LYPD6: variants seen among roughly 807,000 people sequenced by gnomAD.
The protein encoded by LYPD6 is ly6/PLAUR domain-containing protein 6.
In LYPD6, 15 loss-of-function variants were observed where a neutral mutation model predicts 22.7. The observed-to-expected ratio is 0.66, with a 90% CI of 0.44 to 1.02. The LOEUF (loss-of-function observed/expected upper bound fraction) is 1.02, where lower values mean the gene tolerates loss of function less well. Ranked by LOEUF, LYPD6 falls within the 50% of genes least tolerant of loss-of-function variation. The probability of loss-of-function intolerance (pLI) is 0.00; values close to 1 mark genes in which losing one functional copy is unlikely to be tolerated. For synonymous variants in LYPD6, 72 were observed against 77.5 expected, an observed-to-expected ratio of 0.93 and a Z score of 0.37; for missense variants, 189 against 208.4, an observed-to-expected ratio of 0.91 and a Z score of 0.57.
the LYPD6 span, among the ~76,000 whole-genome samples, chr2:149,481,860 G>A: frequency 6.6e-6 from 1 of 152,116 alleles, no homozygotes; most frequent in Non-Finnish European, 1.5e-5. Flanking sequence ...CTTTTATAAT[G>A]AAAAACATAA....
chr2:149,407,821 GTTT>G (rs1488174496), intron 1 of LYPD6, among the ~76,000 whole-genome samples: 2 of 152,160 alleles, frequency 1.3e-5, no homozygotes, highest in Non-Finnish European at 2.9e-5. Context: ...GGTTTTTAGA[GTTT>G]CCAGTTTTTC....
At chr2:149,375,185 A>C (rs1681889545) in intron 1 of LYPD6, among the ~76,000 whole-genome samples, 1 of 152,180 alleles carries the variant, frequency 6.6e-6, no homozygotes, top group African/African-American at 2.4e-5. Flanking sequence ...AAGGTAGACA[A>C]ACCAGGATTT....
chr2:149,409,263 C>A (rs1682799311), intron 1 of LYPD6, among the ~76,000 whole-genome samples: 1 of 152,184 alleles, frequency 6.6e-6, no homozygotes, highest in Non-Finnish European at 1.5e-5. Context: ...ATCTCATCTT[C>A]AGGTCTTGCA....
At chr2:149,373,958 G>A (rs1171726563) in intron 1 of LYPD6, among the ~76,000 whole-genome samples, 2 of 152,056 alleles carry the variant, frequency 1.3e-5, no homozygotes, top group East Asian at 3.9e-4. Context: ...TTACTCAGTT[G>A]GATTTTTAAA....
At chr2:149,393,711 A>C (rs1682365652) in intron 1 of LYPD6, among the ~76,000 whole-genome samples, 1 of 152,188 alleles carries the variant, frequency 6.6e-6, no homozygotes, top group South Asian at 2.1e-4. Flanking sequence ...ATTATGCACA[A>C]ATCTGAGGAA....
intron 1 of LYPD6, among the ~76,000 whole-genome samples, chr2:149,333,720 A>G (rs941615286): frequency 7.2e-5 from 11 of 152,190 alleles, no homozygotes; most frequent in Non-Finnish European, 1.3e-4. Context: ...GACACAATGC[A>G]TTTAAAATGC....
chr2:149,432,239 C>T (rs1232842350), intron 1 of LYPD6, among the ~76,000 whole-genome samples: 1 of 152,174 alleles, frequency 6.6e-6, no homozygotes, highest in Non-Finnish European at 1.5e-5. Context: ...CCAGCAGTTC[C>T]ACTCCTGCAT....
intron 1 of LYPD6, among the ~76,000 whole-genome samples, chr2:149,433,162 T>C (rs1025528761): frequency 3.3e-5 from 5 of 152,166 alleles, no homozygotes; most frequent in Non-Finnish European, 5.9e-5. Context: ...TTCAACTACT[T>C]TAAGAATTTG....
At chr2:149,439,742 A>G (rs1683514918) in intron 2 of LYPD6, among the ~76,000 whole-genome samples, 1 of 152,192 alleles carries the variant, frequency 6.6e-6, no homozygotes, top group Non-Finnish European at 1.5e-5. Context: ...AGCAGAGGGA[A>G]ATCACTTCTG....
At chr2:149,370,436 CATGAGTGGGATTA>C (rs1428444759) in intron 1 of LYPD6, 3 of 152,058 alleles carry the variant, frequency 2.0e-5, no homozygotes, top group African/African-American at 7.2e-5. Flanking sequence ...GTGGAGCCCT[CATGAGTGGGATTA>C]ATGACCTTAT....
chr2:149,395,101 CAT>C (rs1491302750), intron 1 of LYPD6, among the ~76,000 whole-genome samples: 1 of 149,874 alleles, frequency 6.7e-6, no homozygotes, highest in Non-Finnish European at 1.5e-5. Flanking sequence ...GGAGACCAAC[CAT>C]TTTTTTTTTT....
intron 1 of LYPD6, among the ~76,000 whole-genome samples, chr2:149,407,752 C>T (rs1345099049): frequency 6.6e-6 from 1 of 152,220 alleles, no homozygotes; most frequent in Non-Finnish European, 1.5e-5. Context: ...CATCCTCCTT[C>T]CAGCTTTGTT....
chr2:149,335,754 C>G (rs576736402), intron 1 of LYPD6, among the ~76,000 whole-genome samples: 1 of 152,000 alleles, frequency 6.6e-6, no homozygotes, highest in Non-Finnish European at 1.5e-5. Context: ...TCTTTTATAC[C>G]GTATTTTTAT....
chr2:149,463,932 T>A (rs1301740581), intron 3 of LYPD6, among the ~76,000 whole-genome samples: 1 of 152,082 alleles, frequency 6.6e-6, no homozygotes, highest in Non-Finnish European at 1.5e-5. Flanking sequence ...TCCTTATGGC[T>A]GTGGAGAAGT....
chr2:149,390,440 T>A (rs974673144), intron 1 of LYPD6, among the ~76,000 whole-genome samples: 1 of 152,250 alleles, frequency 6.6e-6, no homozygotes, highest in Non-Finnish European at 1.5e-5. Flanking sequence ...CCTGGATCCC[T>A]ATCTTCTACT....
intron 1 of LYPD6, among the ~76,000 whole-genome samples, chr2:149,400,562 T>C (rs1456469075): frequency 1.3e-5 from 2 of 152,236 alleles, no homozygotes; most frequent in Non-Finnish European, 2.9e-5. Context: ...TGGAGGAAAC[T>C]GCAAATGTTG....
intron 1 of LYPD6, among the ~76,000 whole-genome samples, chr2:149,340,535 T>G (rs1179496860): frequency 1.3e-5 from 2 of 152,156 alleles, no homozygotes; most frequent in Non-Finnish European, 2.9e-5. Context: ...CACCAGTTGC[T>G]ACCTGTGTGA....
At chr2:149,414,552 A>T (rs1200783388) in intron 1 of LYPD6, among the ~76,000 whole-genome samples, 1 of 152,206 alleles carries the variant, frequency 6.6e-6, no homozygotes, top group Non-Finnish European at 1.5e-5. Context: ...TACTTTTAAC[A>T]TTTCTGTCTT....
At chr2:149,356,233 T>C (rs1272389614) in intron 1 of LYPD6, among the ~76,000 whole-genome samples, 1 of 152,184 alleles carries the variant, frequency 6.6e-6, no homozygotes, top group African/African-American at 2.4e-5. Flanking sequence ...GACTCATGCT[T>C]TCTCCAGTAC....
Sources: gnomAD v4.1 joint callset for allele counts (sites outside exome capture counted in the v4.1 genomes callset) on GRCh38, gnomAD v4.1.1 for gene constraint, MANE v1.5 for transcripts, NCBI Gene and HGNC (gene_info 2026-07-23, HGNC 2026-07-21) for gene names.